The following PTPRT variants were observed in gnomAD, a reference collection of about 807,000 sequenced individuals.
The protein encoded by PTPRT is protein tyrosine phosphatase receptor type T.
In PTPRT, 56 loss-of-function variants were observed where a neutral mutation model predicts 176.8. The observed-to-expected ratio is 0.32, with a 90% CI of 0.26 to 0.40. The LOEUF is 0.40. Ranked by LOEUF, PTPRT falls within the 10% of genes least tolerant of loss-of-function variation. The probability of loss-of-function intolerance (pLI) is 1.00; values close to 1 mark genes in which losing one functional copy is unlikely to be tolerated. For synonymous variants in PTPRT, 783 were observed against 739.0 expected (o/e 1.06, Z -0.96); for missense variants, 1,540 against 1,908.2 (o/e 0.81, Z 3.60).
At chr20:42,852,448 C>T (rs369446795) in intron 2 of PTPRT, among the ~76,000 whole-genome samples, 1 of 152,176 alleles carries the variant, frequency 6.6e-6, no homozygotes, top group Non-Finnish European at 1.5e-5. Context: ...ATAGAAAAAA[C>T]CTGCTAATTT....
chr20:42,553,210 T>G (rs555391089), intron 7 of PTPRT, among the ~76,000 whole-genome samples: 1 of 152,142 alleles, frequency 6.6e-6, no homozygotes. Context: ...AAACAAAATC[T>G]CTTCCCAAAA....
intron 12 of PTPRT, among the ~76,000 whole-genome samples, chr20:42,312,834 C>A (rs6093614): frequency 0.017 from 2,062 of 120,944 alleles, 47 homozygotes; most frequent in African/African-American, 0.063. Flanking sequence ...TCCTCTATGG[C>A]AAATCCCTGA....
intron 1 of PTPRT, among the ~76,000 whole-genome samples, chr20:42,974,761 T>A (rs560262949): frequency 1.3e-5 from 2 of 152,242 alleles, no homozygotes; most frequent in Non-Finnish European, 2.9e-5. Flanking sequence ...ACATACTTCT[T>A]ATTTCTTCCA....
chr20:42,773,356 C>T (rs78278365), intron 4 of PTPRT, among the ~76,000 whole-genome samples: 1,644 of 152,246 alleles, frequency 0.011, 36 homozygotes, highest in African/African-American at 0.038. Context: ...GTGAAGAGTT[C>T]ATTGATCGCT....
chr20:42,821,242 C>G (rs577962380), intron 2 of PTPRT, among the ~76,000 whole-genome samples: 1 of 152,160 alleles, frequency 6.6e-6, no homozygotes, highest in Admixed American at 6.5e-5. Flanking sequence ...CCCTGAGATG[C>G]AAGGCTGGTT....
At chr20:43,185,460 A>G (rs529868251) in intron 1 of PTPRT, among the ~76,000 whole-genome samples, 112 of 152,360 alleles carry the variant, frequency 7.4e-4, no homozygotes, top group African/African-American at 2.5e-3. Context: ...CTGACGCAAT[A>G]TGTAGCCATT....
At position 42,538,519 on chromosome 20, in the gene PTPRT, G is replaced by T. The variant is rs374155799; in HGVS notation, c.1154-65957C>A. ...CTTGACCTCAGCCCCCTAATCAGAGGAGCATCTTGCTAATTGCCACTAATG... is the reference window on the plus strand; with the variant it reads ...CTTGACCTCAGCCCCCTAATCAGAGTAGCATCTTGCTAATTGCCACTAATG... On this transcript the variant is annotated intron_variant, in intron 7 of 30. Transcript: ENST00000373187. 3.1e-3 allele frequency among the ~76,000 whole-genome samples: 469 copies of T among 152,262 alleles called. 18 individuals are homozygous for T. The South Asian group carries it at 0.093, about 30-fold the overall frequency.
chr20:42,517,479 T>C (rs1018980511), intron 7 of PTPRT, among the ~76,000 whole-genome samples: 2 of 152,034 alleles, frequency 1.3e-5, no homozygotes, highest in African/African-American at 4.8e-5. Flanking sequence ...AATCTTTCTA[T>C]TGTACATATG....
chr20:42,241,537 T>C (rs1045240239), intron 14 of PTPRT, among the ~76,000 whole-genome samples: 12 of 152,060 alleles, frequency 7.9e-5, no homozygotes, highest in African/African-American at 2.9e-4. Flanking sequence ...GCAGAGTGAA[T>C]GTGGTTACAC....
chr20:42,234,309 G>C (rs1449696133), intron 15 of PTPRT, among the ~76,000 whole-genome samples: 9 of 152,128 alleles, frequency 5.9e-5, no homozygotes, highest in Non-Finnish European at 8.8e-5. Context: ...TTATAATTAA[G>C]AGAAAAGAGA....
intron 30 of PTPRT, among the ~76,000 whole-genome samples, chr20:42,081,333 A>G (rs1412948739): frequency 6.6e-6 from 1 of 152,286 alleles, no homozygotes; most frequent in Admixed American, 6.5e-5. Context: ...TGTGACCCAC[A>G]CGTTAATATG....
chr20:42,491,684 C>T (rs1238752033), intron 7 of PTPRT, among the ~76,000 whole-genome samples: 1 of 152,180 alleles, frequency 6.6e-6, no homozygotes, highest in South Asian at 2.1e-4. Flanking sequence ...ATCCTCGTCA[C>T]ACACCAAATT....
At chr20:42,964,950 T>G (rs1342258490) in intron 1 of PTPRT, among the ~76,000 whole-genome samples, 1 of 152,220 alleles carries the variant, frequency 6.6e-6, no homozygotes, top group Non-Finnish European at 1.5e-5. Context: ...TGATTTACAT[T>G]CTTAGTAAAA....
chr20:42,720,297 T>A (rs2076285364), intron 6 of PTPRT, among the ~76,000 whole-genome samples: 1 of 152,172 alleles, frequency 6.6e-6, no homozygotes, highest in Non-Finnish European at 1.5e-5. Flanking sequence ...AAATCACTAT[T>A]CCCATTTTAC....
intron 7 of PTPRT, among the ~76,000 whole-genome samples, chr20:42,646,542 G>C (rs1431977865): frequency 6.6e-6 from 1 of 151,898 alleles, no homozygotes; most frequent in Non-Finnish European, 1.5e-5. Flanking sequence ...GGCCATATGT[G>C]GATATTTCAA....
chr20:42,313,564 G>T (rs374101528), intron 12 of PTPRT, among the ~76,000 whole-genome samples: 2 of 152,022 alleles, frequency 1.3e-5, no homozygotes, highest in East Asian at 3.9e-4. Context: ...TATCTTAGTG[G>T]GAAGAATAAA....
chr20:42,640,179 A>G (rs73110494), intron 7 of PTPRT, among the ~76,000 whole-genome samples: 2,463 of 152,290 alleles, frequency 0.016, 26 homozygotes, highest in Non-Finnish European at 0.022. Flanking sequence ...ACTTGAACCA[A>G]CGTGAAGTGT....
At position 42,742,415 on chromosome 20, in the gene PTPRT, A is replaced by G. The variant is rs111427572; in HGVS notation, c.859+14047T>C. 6.9e-3 allele frequency among the ~76,000 whole-genome samples: 1,046 copies of G among 152,248 alleles called. 19 individuals are homozygous for G. The highest frequency in any genetic ancestry group is 0.024 in the African/African-American group (987 of 41,534). On this transcript the variant is annotated intron_variant, in intron 6 of 30. Coordinates refer to ENST00000373187, the MANE Select transcript of PTPRT (RefSeq NM_007050.6). ...GTTGGTTCAGCTTTTTCTCATTCCC[A>G]TCACAGCCCAGTGAAGTTACTGGAT...
chr20:42,976,407 A>AT (rs58685843), intron 1 of PTPRT, among the ~76,000 whole-genome samples: 285 of 145,248 alleles, frequency 2.0e-3, no homozygotes, highest in Middle Eastern at 7.1e-3. Flanking sequence ...TTTTTTATTT[A>AT]TTTTTTTTTT....
Sources: allele counts gnomAD v4.1 joint callset (sites outside exome capture counted in the v4.1 genomes callset), GRCh38; gene constraint gnomAD v4.1.1; transcripts MANE v1.5; gene names NCBI Gene and HGNC (gene_info 2026-07-23, HGNC 2026-07-21).